VPS53: variants seen among roughly 807,000 people sequenced by gnomAD.
VPS53 encodes VPS53 subunit of GARP complex, also known as vacuolar protein sorting-associated protein 53 homolog.
Under a neutral mutation model 107.0 loss-of-function variants are expected in VPS53, and 70 were observed. That is an observed-to-expected ratio of 0.65 (90% confidence interval 0.54 to 0.80). The LOEUF is 0.80. VPS53 is among the 30% of genes least tolerant of loss of function. The probability of loss-of-function intolerance (pLI) is 0.00; values close to 1 mark genes in which losing one functional copy is unlikely to be tolerated. For synonymous variants in VPS53, 409 were observed against 393.3 expected (o/e 1.04, Z -0.47); for missense variants, 917 against 1,049.4 (o/e 0.87, Z 1.74).
At chr17:596,052 G>C (rs1967957608) in intron 12 of VPS53, among the ~76,000 whole-genome samples, 1 of 152,212 alleles carries the variant, frequency 6.6e-6, no homozygotes, top group South Asian at 2.1e-4. Flanking sequence ...CTGTCCCCTG[G>C]AGGACGCTGG....
chr17:583,977 C>G (rs1967187068), intron 13 of VPS53, among the ~76,000 whole-genome samples: 1 of 152,208 alleles, frequency 6.6e-6, no homozygotes, highest in Admixed American at 6.5e-5. Flanking sequence ...AATGCGTTCC[C>G]AGGGAACCTC....
rs1400609410 is a variant in VPS53, at chr17:520,210, C to T, written c.2224-280G>A. Among the ~76,000 whole-genome samples the T allele has an allele frequency of 3.3e-5, 5 of 152,186 alleles. No homozygotes were observed. Among genetic ancestry groups the T allele is most frequent in the African/African-American group, 4.8e-5 (2 of 41,450 alleles). Reference sequence around the variant, plus strand: ...ATTTGCTGAATCCTAAATACACCTGCGCTGCTGTTTGAAGTATGGGTTTCC... The same window carrying T: ...ATTTGCTGAATCCTAAATACACCTGTGCTGCTGTTTGAAGTATGGGTTTCC... On this transcript the variant is annotated intron_variant, in intron 20 of 21. Transcript: ENST00000437048. This position sits in a 1 kb window ranked among gnomAD's most constrained non-coding sequence, Gnocchi z 4.4.
chr17:670,743 T>C (rs1162421843), intron 4 of VPS53, among the ~76,000 whole-genome samples: 1 of 152,184 alleles, frequency 6.6e-6, no homozygotes, highest in Non-Finnish European at 1.5e-5. Flanking sequence ...ATCCCCTTTG[T>C]GGCCACTGCA....
chr17:539,548 G>T (rs1388192224), intron 17 of VPS53, among the ~76,000 whole-genome samples: 1 of 152,176 alleles, frequency 6.6e-6, no homozygotes, highest in African/African-American at 2.4e-5. Context: ...CTTACCTTTA[G>T]TATTTTTTAA....
At chr17:701,976 G>A (rs990892408) in intron 2 of VPS53, among the ~76,000 whole-genome samples, 1 of 152,164 alleles carries the variant, frequency 6.6e-6, no homozygotes, top group African/African-American at 2.4e-5. Context: ...CAATGCTCCC[G>A]CCTTGGCCTC....
chr17:573,022 C>CAATAAA (rs975898278), intron 13 of VPS53, among the ~76,000 whole-genome samples: 9 of 151,730 alleles, frequency 5.9e-5, no homozygotes, highest in South Asian at 2.1e-4. Flanking sequence ...CAAGAATGAT[C>CAATAAA]AATAAAAATA....
At chr17:669,020 T>G (rs79858617) in intron 4 of VPS53, among the ~76,000 whole-genome samples, 2,385 of 152,200 alleles carry the variant, frequency 0.016, 24 homozygotes, top group Middle Eastern at 0.031. Flanking sequence ...GGTACTGAAG[T>G]TGGGGAAATG....
At chr17:702,414 C>A (rs1973235691) in intron 2 of VPS53, among the ~76,000 whole-genome samples, 1 of 151,902 alleles carries the variant, frequency 6.6e-6, no homozygotes, top group South Asian at 2.1e-4. Context: ...GCCTGTAATC[C>A]CAGCACTTTG....
At chr17:660,851 G>A (rs1207879985) in intron 5 of VPS53, among the ~76,000 whole-genome samples, 1 of 152,134 alleles carries the variant, frequency 6.6e-6, no homozygotes, top group African/African-American at 2.4e-5. Context: ...TGAAGAAGCT[G>A]GAATTCTGAG....
intron 19 of VPS53, among the ~76,000 whole-genome samples, chr17:529,508 T>C (rs2151802424): frequency 6.6e-6 from 1 of 152,294 alleles, no homozygotes; most frequent in African/African-American, 2.4e-5. Context: ...TTTGGAATAA[T>C]TTGCCGCTTT....
intron 4 of VPS53, among the ~76,000 whole-genome samples, chr17:689,344 C>G (rs1972697355): frequency 6.6e-6 from 1 of 152,092 alleles, no homozygotes; most frequent in Admixed American, 6.6e-5. Context: ...GGTCCCCAGG[C>G]TGCAGTGTAG....
intron 7 of VPS53, among the ~76,000 whole-genome samples, chr17:643,546 C>G (rs201864591): frequency 8.5e-4 from 38 of 44,626 alleles, no homozygotes; most frequent in South Asian, 1.3e-3. Context: ...TACTTGGAAA[C>G]CGAGGACAAC....
Position 524,780 on chromosome 17 carries a change from C to T in VPS53, c.2086-3042G>A, listed in dbSNP as rs928711676. ...TCACAAATGTACACCGTAATACACCCATCAGAGTCAGAAGTAAACAGGTTG... is the reference window on the plus strand; with the variant it reads ...TCACAAATGTACACCGTAATACACCTATCAGAGTCAGAAGTAAACAGGTTG... On this transcript the variant is annotated intron_variant, in intron 19 of 21. Coordinates refer to ENST00000437048, the MANE Select transcript of VPS53 (RefSeq NM_001128159.3). This position sits in a 1 kb window ranked among gnomAD's most constrained non-coding sequence, Gnocchi z 4.5. Among the ~76,000 whole-genome samples the T allele has an allele frequency of 5.3e-5, 8 of 152,116 alleles. No individual in the cohort carries two copies. The highest frequency in any genetic ancestry group is 1.9e-4 in the African/African-American group (8 of 41,416).
intron 1 of VPS53, among the ~76,000 whole-genome samples, chr17:713,769 G>GATT (rs1973732235): frequency 1.3e-5 from 2 of 152,104 alleles, no homozygotes; most frequent in Admixed American, 6.5e-5. Context: ...GCCGCGCGTG[G>GATT]TGGCTCACGC....
At chr17:589,359 T>G (rs1001411584) in intron 12 of VPS53, among the ~76,000 whole-genome samples, 2 of 152,142 alleles carry the variant, frequency 1.3e-5, no homozygotes, top group Non-Finnish European at 2.9e-5. Flanking sequence ...TATTATAGAT[T>G]ACTGTATGGA....
chr17:578,423 G>A (rs535579198), intron 13 of VPS53, among the ~76,000 whole-genome samples: 8 of 121,752 alleles, frequency 6.6e-5, no homozygotes, highest in African/African-American at 1.3e-4. Flanking sequence ...CCCTCAGAAC[G>A]TAATGCATTC....
chr17:709,149 GCT>G (rs1567756419), intron 2 of VPS53, among the ~76,000 whole-genome samples: 1 of 151,608 alleles, frequency 6.6e-6, no homozygotes, highest in Non-Finnish European at 1.5e-5. Flanking sequence ...TCCGCAGCAC[GCT>G]CTGTCACGGA....
intron 4 of VPS53, among the ~76,000 whole-genome samples, chr17:664,337 C>T (rs149349018): frequency 6.6e-6 from 1 of 152,264 alleles, no homozygotes; most frequent in South Asian, 2.1e-4. Context: ...CTCGGCCTCC[C>T]AAAGTGCTGG....
chr17:688,608 A>G lies in VPS53; in HGVS notation c.285+8810T>C, dbSNP rs200591713. ...CCCCGCCTCAACTACAACCAGTAGC[A>G]CTCTAGAAGCAGGCAAAATGAACAG... On this transcript the variant is annotated intron_variant, in intron 4 of 21. Transcript: ENST00000437048. Among the ~76,000 whole-genome samples the G allele has an allele frequency of 1.2e-4, 18 of 152,000 alleles. No homozygotes were observed. In the East Asian group the frequency reaches 3.5e-3, roughly 29 times the overall value.
Sources: allele counts gnomAD v4.1 joint callset (sites outside exome capture counted in the v4.1 genomes callset), GRCh38; gene constraint gnomAD v4.1.1; non-coding constraint Gnocchi (gnomAD v3.1); transcripts MANE v1.5; gene names NCBI Gene and HGNC (gene_info 2026-07-23, HGNC 2026-07-21).